Variants in TRMT11 observed in about 807,000 individuals in gnomAD.
The protein encoded by TRMT11 is tRNA methyltransferase 11.
Under a neutral mutation model 62.8 loss-of-function variants are expected in TRMT11, and 53 were observed. The ratio of observed to expected loss-of-function variants is 0.84; its 90% CI spans 0.68 to 1.06. The LOEUF is 1.06. Among genes scored for constraint, TRMT11 ranks in the 50% least tolerant of loss-of-function variants. The pLI, the probability that TRMT11 is intolerant of heterozygous loss-of-function variation, is 0.00. For synonymous variants in TRMT11, 188 were observed against 190.3 expected (o/e 0.99, Z 0.10); for missense variants, 556 against 553.4 (o/e 1.00, Z -0.05).
chr6:126,245,169 TGAATA>T, the TRMT11 span, among the ~76,000 whole-genome samples: 3 of 152,216 alleles, frequency 2.0e-5, no homozygotes, highest in Admixed American at 1.3e-4. Context: ...TAGGAACCCT[TGAATA>T]TGAAGACAAA....
chr6:126,142,733 A>G (rs989048435), intron 21 of TRMT11, among the ~76,000 whole-genome samples: 3 of 152,100 alleles, frequency 2.0e-5, no homozygotes, highest in East Asian at 1.9e-4. Flanking sequence ...TTTAATGTCT[A>G]TTAATTCCTC....
intron 7 of TRMT11, among the ~76,000 whole-genome samples, chr6:126,002,274 T>A (rs566432411): frequency 6.6e-6 from 1 of 152,334 alleles, no homozygotes; most frequent in African/African-American, 2.4e-5. Flanking sequence ...TACACATGCA[T>A]ATACGTATTT....
At chr6:126,218,964 G>A in the TRMT11 span, among the ~76,000 whole-genome samples, 2 of 152,142 alleles carry the variant, frequency 1.3e-5, no homozygotes, top group Non-Finnish European at 2.9e-5. Flanking sequence ...GCCCAGTGCT[G>A]CTTTCCAGAG....
At chr6:125,986,770 C>CG in intron 1 of TRMT11, 148 bp downstream of exon 1, 1 of 711,990 alleles carries the variant, frequency 1.4e-6, no homozygotes, top group South Asian at 1.9e-5. Flanking sequence ...AGTCCTCGGG[C>CG]GGGGTGAGCT....
chr6:126,088,331 G>A (rs1405534261), intron 17 of TRMT11, among the ~76,000 whole-genome samples: 2 of 151,998 alleles, frequency 1.3e-5, no homozygotes, highest in Non-Finnish European at 2.9e-5. Flanking sequence ...CAAATTATAA[G>A]CTTATGCCAC....
chr6:126,095,715 G>T (rs1777331909), intron 17 of TRMT11, among the ~76,000 whole-genome samples: 1 of 152,098 alleles, frequency 6.6e-6, no homozygotes, highest in Non-Finnish European at 1.5e-5. Flanking sequence ...TTATAATAAA[G>T]GTATGAACAG....
chr6:126,010,556 A>G (rs1794025099), intron 8 of TRMT11, among the ~76,000 whole-genome samples: 1 of 152,086 alleles, frequency 6.6e-6, no homozygotes. Context: ...TGATAACTCC[A>G]AAGTCTGTAT....
rs565714498 is a variant in TRMT11 at position 126,088,414 on chromosome 6, G to A, written c.*1438-24452G>A. On this transcript the variant is annotated intron_variant and NMD_transcript_variant, in intron 17 of 22. Transcript: ENST00000648977. The stretch of plus-strand genomic sequence containing the variant: ...TAAAAAAAATACAGATGGTAAGGCC[G>A]CTACTTAGACCAATCTACCAGCAGG... Among the ~76,000 whole-genome samples the A allele has an allele frequency of 4.6e-5, 7 of 152,266 alleles. No individual in the cohort carries two copies. In the East Asian group the frequency reaches 9.6e-4, roughly 21 times the overall value.
At position 126,038,686 on chromosome 6, in the gene TRMT11, G is replaced by A. The variant is rs1292872124; in HGVS notation, c.1261-19G>A. On this transcript the variant is annotated intron_variant, in intron 12 of 12. Coordinates refer to ENST00000334379, the MANE Select transcript of TRMT11 (RefSeq NM_001031712.3). ...ACTAAAGAAATAATTTTTACATTTTGTATTTTCCAACCAAACAGAATCGGG... is the reference window on the plus strand; with the variant it reads ...ACTAAAGAAATAATTTTTACATTTTATATTTTCCAACCAAACAGAATCGGG... The A allele has an allele frequency of 1.3e-6, 2 of 1,538,838 alleles. No individual in the cohort carries two copies. Among genetic ancestry groups the A allele is most frequent in the East Asian group, 2.4e-5 (1 of 41,944 alleles).
chr6:126,258,120 A>G, the TRMT11 span: 1 of 876,592 alleles, frequency 1.1e-6, no homozygotes, highest in Non-Finnish European at 1.9e-6. Context: ...GCAGTCGGGG[A>G]GTTGTGTCAG....
chr6:126,209,344 G>C, the TRMT11 span, among the ~76,000 whole-genome samples: 4 of 152,136 alleles, frequency 2.6e-5, no homozygotes, highest in Admixed American at 6.5e-5. Flanking sequence ...AGAGTTATGA[G>C]TCTAAACTAC....
intron 12 of TRMT11, among the ~76,000 whole-genome samples, chr6:126,022,435 T>C (rs1396124360): frequency 6.6e-6 from 1 of 152,208 alleles, no homozygotes; most frequent in African/African-American, 2.4e-5. Context: ...TAATGAAAAC[T>C]AATATTTGTA....
intron 18 of TRMT11, among the ~76,000 whole-genome samples, chr6:126,113,504 G>C (rs974723996): frequency 1.3e-5 from 2 of 152,042 alleles, no homozygotes; most frequent in African/African-American, 2.4e-5. Flanking sequence ...ATACATGAGA[G>C]ACTGAGTTGA....
At chr6:126,102,433 C>T (rs1305528214) in intron 17 of TRMT11, among the ~76,000 whole-genome samples, 1 of 151,740 alleles carries the variant, frequency 6.6e-6, no homozygotes, top group African/African-American at 2.4e-5. Context: ...GCGATGCTGG[C>T]CTCGTCGTTG....
At chr6:126,256,713 T>A in the TRMT11 span, among the ~76,000 whole-genome samples, 1 of 152,178 alleles carries the variant, frequency 6.6e-6, no homozygotes, top group Non-Finnish European at 1.5e-5. Flanking sequence ...TCCAGCAGGA[T>A]ATATGCTAGC....
chr6:126,217,525 A>T, the TRMT11 span, among the ~76,000 whole-genome samples: 177 of 152,270 alleles, frequency 1.2e-3, no homozygotes, highest in Non-Finnish European at 1.9e-3. Context: ...CTTGGATAAG[A>T]TCCAAAAGAA....
intron 7 of TRMT11, among the ~76,000 whole-genome samples, chr6:126,002,920 T>C (rs1339633556): frequency 6.6e-6 from 1 of 152,158 alleles, no homozygotes; most frequent in African/African-American, 2.4e-5. Flanking sequence ...TCATACTGTG[T>C]GTGTTGGTTT....
intron 11 of TRMT11, among the ~76,000 whole-genome samples, chr6:126,013,405 C>T (rs1794553713): frequency 1.3e-5 from 2 of 152,098 alleles, no homozygotes; most frequent in South Asian, 2.1e-4. Context: ...TACAGGCATG[C>T]GTCACCATGC....
intron 21 of TRMT11, among the ~76,000 whole-genome samples, chr6:126,135,397 A>C (rs929603345): frequency 6.6e-6 from 1 of 151,772 alleles, no homozygotes; most frequent in Non-Finnish European, 1.5e-5. Flanking sequence ...GAAGAAATGG[A>C]TATATTCTGA....
Sources: gnomAD v4.1 joint callset for allele counts (sites outside exome capture counted in the v4.1 genomes callset) on GRCh38, gnomAD v4.1.1 for gene constraint, MANE v1.5 for transcripts, NCBI Gene and HGNC (gene_info 2026-07-23, HGNC 2026-07-21) for gene names.